Variants in GSE1 observed in about 807,000 individuals in gnomAD.
The protein encoded by GSE1 is Gse1 coiled-coil protein.
A neutral mutation model predicts 112.6 loss-of-function variants in GSE1; 32 were observed. The observed-to-expected ratio is 0.28, with a 90% CI of 0.21 to 0.38. The LOEUF (loss-of-function observed/expected upper bound fraction) is 0.38, where lower values mean the gene tolerates loss of function less well. Ranked by LOEUF, GSE1 falls within the 10% of genes least tolerant of loss-of-function variation. The pLI, the probability that GSE1 is intolerant of heterozygous loss-of-function variation, is 1.00. For synonymous variants in GSE1, 1,115 were observed against 735.6 expected, an observed-to-expected ratio of 1.52 and a Z score of -8.35; for missense variants, 2,348 against 1,699.2, an observed-to-expected ratio of 1.38 and a Z score of -6.71.
At chr16:85,296,764 A>G (rs1032880545) in intron 1 of GSE1, among the ~76,000 whole-genome samples, 1 of 152,012 alleles carries the variant, frequency 6.6e-6, no homozygotes, top group Non-Finnish European at 1.5e-5. Flanking sequence ...TTCATGTCCT[A>G]ACTCCTTCCA....
chr16:85,215,372 G>A (rs2075290795), intron 1 of GSE1, among the ~76,000 whole-genome samples: 1 of 152,140 alleles, frequency 6.6e-6, no homozygotes, highest in Non-Finnish European at 1.5e-5. Context: ...CGGGCAGGCG[G>A]AGTGATATCA....
chr16:85,190,514 A>T (rs976857580), intron 1 of GSE1, among the ~76,000 whole-genome samples: 1 of 152,210 alleles, frequency 6.6e-6, no homozygotes, highest in Non-Finnish European at 1.5e-5. Flanking sequence ...TTGTCTTTGT[A>T]TTTTTAACAA....
chr16:85,667,534 T>C (rs1404125895), intron 13 of GSE1, among the ~76,000 whole-genome samples: 1 of 152,210 alleles, frequency 6.6e-6, no homozygotes, highest in South Asian at 2.1e-4. Context: ...GGCTGGTGTC[T>C]GCTGAGGGCT....
intron 2 of GSE1, among the ~76,000 whole-genome samples, chr16:85,545,134 C>T (rs1276040196): frequency 6.6e-6 from 1 of 152,220 alleles, no homozygotes; most frequent in Non-Finnish European, 1.5e-5. Context: ...CGTCTGCGTC[C>T]CAGGAGGCGT....
Position 85,403,092 on chromosome 16 carries a change from G to GC in GSE1, c.2464+45449_2464+45450insC, listed in dbSNP as rs930154846. Among the ~76,000 whole-genome samples the GC allele has an allele frequency of 3.0e-3, 24 of 7,976 alleles. No individual in the cohort carries two copies. The Non-Finnish European group carries it at 0.3, about 100-fold the overall frequency. The allele number at this position is 7,976 out of a possible 152,430, so 5.2% of individuals were successfully genotyped here. On this transcript the variant is annotated intron_variant, in intron 2 of 2. Coordinates refer to the GSE1 transcript ENST00000637419. ...TCCCAAGCCCTCTCCCATGGTTGCT[G>GC]GGGGGGGACTCAGTTCCTCTGGGCC...
At chr16:85,534,323 T>C (rs2044248519) in intron 2 of GSE1, among the ~76,000 whole-genome samples, 1 of 152,050 alleles carries the variant, frequency 6.6e-6, no homozygotes, top group Non-Finnish European at 1.5e-5. Flanking sequence ...GGTTTCACCA[T>C]GTTGGCCAGG....
chr16:85,234,100 G>A (rs1904353285), intron 1 of GSE1, among the ~76,000 whole-genome samples: 1 of 152,168 alleles, frequency 6.6e-6, no homozygotes, highest in Non-Finnish European at 1.5e-5. Flanking sequence ...ACCATTGTAG[G>A]CGTCTGGTTC....
intron 2 of GSE1, among the ~76,000 whole-genome samples, chr16:85,432,155 T>C (rs1176248843): frequency 6.6e-6 from 1 of 152,210 alleles, no homozygotes; most frequent in Admixed American, 6.5e-5. Flanking sequence ...AATAAAGCCC[T>C]TAGAGTGTCA....
chr16:85,303,724 G>A (rs933426346), intron 1 of GSE1, among the ~76,000 whole-genome samples: 2 of 152,370 alleles, frequency 1.3e-5, no homozygotes, highest in African/African-American at 4.8e-5. Flanking sequence ...ACCGGCCGCC[G>A]CCTCCCGAGT....
At chr16:85,535,356 C>T (rs997103051) in intron 2 of GSE1, among the ~76,000 whole-genome samples, 29 of 152,188 alleles carry the variant, frequency 1.9e-4, no homozygotes, top group African/African-American at 6.0e-4. Context: ...GCCAGGTCTC[C>T]GGGGGGTATG....
At position 85,512,721 on chromosome 16, in the gene GSE1, C is replaced by T. The variant is rs535187707; in HGVS notation, c.2465-121193C>T. Among the ~76,000 whole-genome samples the T allele has an allele frequency of 4.7e-4, 72 of 152,260 alleles. 1 individual carries two copies. In the South Asian group the frequency reaches 4.8e-3, roughly 10 times the overall value. On this transcript the variant is annotated intron_variant, in intron 2 of 2. Coordinates refer to the GSE1 transcript ENST00000637419. ...ATTAGAGTCCACTCCGATATCAAAG[C>T]GCTCCCATCACCCAGGGAACGGGAG...
intron 2 of GSE1, among the ~76,000 whole-genome samples, chr16:85,449,143 G>A (rs962446974): frequency 5.9e-5 from 9 of 152,208 alleles, no homozygotes; most frequent in Non-Finnish European, 7.3e-5. Context: ...GGGGTGCCCT[G>A]GGAGAACGGA....
chr16:85,550,096 T>G (rs1022035162), intron 2 of GSE1, among the ~76,000 whole-genome samples: 10 of 151,962 alleles, frequency 6.6e-5, no homozygotes, highest in Non-Finnish European at 1.3e-4. Context: ...CTTCCTGGAG[T>G]GCAGGGGTGA....
At chr16:85,429,985 C>G (rs757761412) in intron 2 of GSE1, among the ~76,000 whole-genome samples, 5 of 152,198 alleles carry the variant, frequency 3.3e-5, no homozygotes, top group African/African-American at 1.2e-4. Flanking sequence ...TGCGGGGGCT[C>G]GGTAAAAACG....
rs188225223 is a variant in GSE1 at position 85,602,799 on chromosome 16, C to G, written c.38-45753C>G. ...CCGGTCCACTGGTGTCCAGGCTCAGCAGGTGGAAGTGTACTCACTGCTGCC... is the reference window on the plus strand; with the variant it reads ...CCGGTCCACTGGTGTCCAGGCTCAGGAGGTGGAAGTGTACTCACTGCTGCC... On this transcript the variant is annotated intron_variant, in intron 1 of 2. Transcript: ENST00000635906. 3.0e-3 allele frequency among the ~76,000 whole-genome samples: 451 copies of G among 152,344 alleles called. 1 individual carries two copies. Among genetic ancestry groups the G allele is most frequent in the African/African-American group, 0.01 (431 of 41,586 alleles).
rs893462704 is a variant in GSE1 at position 85,425,639 on chromosome 16, C to T, written c.2464+67996C>T. Among the ~76,000 whole-genome samples the T allele has an allele frequency of 7.9e-5, 12 of 152,298 alleles. No homozygotes were observed. In the South Asian group the frequency reaches 1.5e-3, roughly 18 times the overall value. On this transcript the variant is annotated intron_variant, in intron 2 of 2. Transcript: ENST00000637419. ...CCCAAACATGGCCACCCCACCCACC[C>T]TCCAAGGCAAGCCTGCCCTGCCCAC...
At chr16:85,184,746 C>T (rs9932674) in intron 1 of GSE1, among the ~76,000 whole-genome samples, 3,232 of 152,120 alleles carry the variant, frequency 0.021, 120 homozygotes, top group African/African-American at 0.073. Flanking sequence ...TGCTTAATTT[C>T]CAAACATTGG....
chr16:85,248,224 C>T (rs1471063696), intron 1 of GSE1, among the ~76,000 whole-genome samples: 1 of 152,168 alleles, frequency 6.6e-6, no homozygotes, highest in Non-Finnish European at 1.5e-5. Context: ...TTCACAGCTG[C>T]CTACTCCGCC....
rs1879281914 is a variant in GSE1, at chr16:85,596,805, G to A, written c.37+40442G>A. Among the ~76,000 whole-genome samples, 3 of 152,080 alleles carry A rather than the reference G, an allele frequency of 2.0e-5. No individual in the cohort carries two copies. In the South Asian group the frequency reaches 6.2e-4, roughly 32 times the overall value. On this transcript the variant is annotated intron_variant, in intron 1 of 2. Transcript: ENST00000635906. The stretch of plus-strand genomic sequence containing the variant: ...AATCCCAGCACTTTGGGAGGCCAAG[G>A]CGGGCAGATCGCTTGAAGCCAGGAC...
Sources: allele counts gnomAD v4.1 joint callset (sites outside exome capture counted in the v4.1 genomes callset), GRCh38; gene constraint gnomAD v4.1.1; transcripts MANE v1.5; gene names NCBI Gene and HGNC (gene_info 2026-07-23, HGNC 2026-07-21).